ROBO1: variants seen among roughly 807,000 people sequenced by gnomAD.
The protein encoded by ROBO1 is roundabout homolog 1.
ROBO1 carries 149 observed loss-of-function variants against 195.9 expected under a neutral mutation model. The ratio of observed to expected loss-of-function variants is 0.76; its 90% CI spans 0.67 to 0.87. The LOEUF is 0.87. ROBO1 is among the 40% of genes least tolerant of loss of function. The probability of loss-of-function intolerance (pLI) is 0.00; values close to 1 mark genes in which losing one functional copy is unlikely to be tolerated. For synonymous variants in ROBO1, 816 were observed against 733.2 expected (o/e 1.11, Z -1.82); for missense variants, 1,933 against 2,068.3 (o/e 0.93, Z 1.27).
chr3:78,783,212 G>C (rs1416537112), intron 4 of ROBO1, among the ~76,000 whole-genome samples: 3 of 152,108 alleles, frequency 2.0e-5, no homozygotes, highest in Admixed American at 6.6e-5. Flanking sequence ...TACCTATTCA[G>C]TAATTTCCCA....
chr3:78,726,787 G>A (rs373213864), intron 5 of ROBO1, among the ~76,000 whole-genome samples: 1 of 152,262 alleles, frequency 6.6e-6, no homozygotes, highest in Middle Eastern at 3.4e-3. Flanking sequence ...ATCAGCTGCA[G>A]TACAGTTTTA....
At chr3:79,111,399 T>C (rs1399958499) in intron 3 of ROBO1, among the ~76,000 whole-genome samples, 1 of 152,198 alleles carries the variant, frequency 6.6e-6, no homozygotes, top group Non-Finnish European at 1.5e-5. Flanking sequence ...ACTGAATACC[T>C]GATCTCCCAA....
chr3:78,758,616 A>G (rs2108352341), intron 4 of ROBO1, among the ~76,000 whole-genome samples: 1 of 152,218 alleles, frequency 6.6e-6, no homozygotes, highest in Admixed American at 6.5e-5. Flanking sequence ...CAATAAAAAC[A>G]AATACTACTC....
intron 3 of ROBO1, among the ~76,000 whole-genome samples, chr3:79,084,744 C>T (rs1447111806): frequency 6.6e-6 from 1 of 152,088 alleles, no homozygotes; most frequent in Non-Finnish European, 1.5e-5. Flanking sequence ...CACGCTCTTA[C>T]CCACTACATC....
chr3:78,620,881 A>ATGTG (rs778171914), intron 26 of ROBO1, among the ~76,000 whole-genome samples: 20 of 27,602 alleles, frequency 7.2e-4, no homozygotes, highest in East Asian at 1.8e-3. Context: ...TTATATATAT[A>ATGTG]TATGTGTGTG....
chr3:78,853,945 T>C (rs1383743314), intron 4 of ROBO1, among the ~76,000 whole-genome samples: 1 of 152,096 alleles, frequency 6.6e-6, no homozygotes, highest in African/African-American at 2.4e-5. Context: ...ACCACTCCCA[T>C]GATTGAATTA....
intron 2 of ROBO1, among the ~76,000 whole-genome samples, chr3:79,429,600 A>G: frequency 6.6e-6 from 1 of 152,160 alleles, no homozygotes; most frequent in East Asian, 1.9e-4. Context: ...TGAGCTAAAC[A>G]AGAAAGCTCC....
At chr3:79,507,785 C>T (rs1268041499) in intron 2 of ROBO1, 1 of 154,464 alleles carries the variant, frequency 6.5e-6, no homozygotes, top group East Asian at 1.9e-4. Flanking sequence ...CTGAATGGTC[C>T]CTTCAAAATT....
intron 3 of ROBO1, among the ~76,000 whole-genome samples, chr3:79,038,497 G>A (rs2078422337): frequency 6.6e-6 from 1 of 152,100 alleles, no homozygotes; most frequent in Non-Finnish European, 1.5e-5. Flanking sequence ...ACACACCCTT[G>A]ATTTACAGAA....
intron 3 of ROBO1, among the ~76,000 whole-genome samples, chr3:79,022,885 G>A (rs2078129813): frequency 6.6e-6 from 1 of 152,038 alleles, no homozygotes; most frequent in African/African-American, 2.4e-5. Context: ...CTTTTTGACG[G>A]TCAAAATTCT....
intron 2 of ROBO1, among the ~76,000 whole-genome samples, chr3:79,382,127 T>C (rs1470953989): frequency 6.6e-6 from 1 of 152,180 alleles, no homozygotes; most frequent in Non-Finnish European, 1.5e-5. Flanking sequence ...TAGATTACAC[T>C]GGAGAAATAG....
chr3:78,936,401 TTAATATCATAACTTGATAG>T (rs2039810460), intron 4 of ROBO1, among the ~76,000 whole-genome samples: 1 of 152,050 alleles, frequency 6.6e-6, no homozygotes, highest in African/African-American at 2.4e-5. Context: ...GGGTGATAGT[TTAATATCATAACTTGATAG>T]TAATATCGTA....
intron 2 of ROBO1, among the ~76,000 whole-genome samples, chr3:79,519,628 CAAAAAAAA>C (rs71631657): frequency 1.4e-4 from 9 of 64,706 alleles, no homozygotes; most frequent in Non-Finnish European, 2.0e-4. Flanking sequence ...GACTCCTGCT[CAAAAAAAA>C]AAAAAAAAAA....
At chr3:78,793,926 T>C (rs2084105052) in intron 4 of ROBO1, among the ~76,000 whole-genome samples, 3 of 152,182 alleles carry the variant, frequency 2.0e-5, no homozygotes, top group African/African-American at 7.2e-5. Context: ...AATATTTAAA[T>C]TTAAAGTATA....
At chr3:78,613,278 A>G (rs1703924408) in intron 28 of ROBO1, among the ~76,000 whole-genome samples, 1 of 152,118 alleles carries the variant, frequency 6.6e-6, no homozygotes, top group Admixed American at 6.6e-5. Context: ...TCCAGGCTTG[A>G]TGTTTGGTCA....
At chr3:79,239,489 T>G (rs2082473016) in intron 2 of ROBO1, among the ~76,000 whole-genome samples, 1 of 152,220 alleles carries the variant, frequency 6.6e-6, no homozygotes, top group African/African-American at 2.4e-5. Context: ...AATTTCTTCA[T>G]TTCCACAGCT....
At chr3:79,448,477 A>G (rs568294263) in intron 2 of ROBO1, among the ~76,000 whole-genome samples, 24 of 152,118 alleles carry the variant, frequency 1.6e-4, no homozygotes, top group Non-Finnish European at 3.1e-4. Context: ...TTATAGCATT[A>G]GTACTTATTA....
intron 1 of ROBO1, among the ~76,000 whole-genome samples, chr3:79,647,163 GTATTA>G (rs1188302987): frequency 6.6e-6 from 1 of 151,892 alleles, no homozygotes; most frequent in African/African-American, 2.4e-5. Flanking sequence ...TTATATGAAT[GTATTA>G]TATTATCACA....
At chr3:78,782,355 C>T (rs547752658) in intron 4 of ROBO1, among the ~76,000 whole-genome samples, 5 of 151,988 alleles carry the variant, frequency 3.3e-5, no homozygotes, top group Non-Finnish European at 7.4e-5. Flanking sequence ...CACCACCACA[C>T]CCAGCTAATT....
Sources: allele counts gnomAD v4.1 joint callset (sites outside exome capture counted in the v4.1 genomes callset), GRCh38; gene constraint gnomAD v4.1.1; transcripts MANE v1.5; gene names NCBI Gene and HGNC (gene_info 2026-07-23, HGNC 2026-07-21).